Variants in GABRG3 observed in about 807,000 individuals in gnomAD.
GABRG3 encodes gamma-aminobutyric acid type A receptor subunit gamma3, also known as gamma-aminobutyric acid receptor subunit gamma-3.
GABRG3 carries 25 observed loss-of-function variants against 48.8 expected under a neutral mutation model. The ratio of observed to expected loss-of-function variants is 0.51; its 90% CI spans 0.37 to 0.72. The LOEUF (loss-of-function observed/expected upper bound fraction) is 0.72. Among genes scored for constraint, GABRG3 ranks in the 30% least tolerant of loss-of-function variants. The pLI is 0.00. For synonymous variants in GABRG3, 227 were observed against 217.6 expected (o/e 1.04, Z -0.38); for missense variants, 394 against 577.9 (o/e 0.68, Z 3.26).
chr15:27,123,592 T>C (rs996639282), intron 3 of GABRG3, among the ~76,000 whole-genome samples: 18 of 152,188 alleles, frequency 1.2e-4, no homozygotes. Flanking sequence ...GCAGCACAAA[T>C]GGACTGGCAT....
intron 3 of GABRG3, among the ~76,000 whole-genome samples, chr15:27,190,286 G>C (rs567090666): frequency 3.8e-4 from 58 of 152,300 alleles, no homozygotes; most frequent in African/African-American, 1.3e-3. Flanking sequence ...GATTGGAATA[G>C]TTTCAGAAGG....
intron 3 of GABRG3, among the ~76,000 whole-genome samples, chr15:27,153,287 A>G (rs2062225148): frequency 6.6e-6 from 1 of 152,174 alleles, no homozygotes; most frequent in Admixed American, 6.5e-5. Flanking sequence ...GCATCTTTAT[A>G]AAAAACCACT....
At chr15:27,230,742 T>A (rs1889769671) in intron 3 of GABRG3, among the ~76,000 whole-genome samples, 1 of 152,194 alleles carries the variant, frequency 6.6e-6, no homozygotes. Flanking sequence ...TCTATTGTGA[T>A]CTACTTATTT....
At chr15:27,315,526 T>C (rs903284825) in intron 3 of GABRG3, among the ~76,000 whole-genome samples, 24 of 152,336 alleles carry the variant, frequency 1.6e-4, no homozygotes, top group Admixed American at 1.4e-3. Flanking sequence ...GAAAACGTAT[T>C]ATATAGACAT....
intron 5 of GABRG3, among the ~76,000 whole-genome samples, chr15:27,393,072 G>A (rs182267055): frequency 7.0e-4 from 106 of 152,230 alleles, no homozygotes; most frequent in African/African-American, 2.2e-3. Context: ...TGGTCTGGGC[G>A]CAGTGGCTCA....
chr15:27,297,479 A>C (rs991259268), intron 3 of GABRG3, among the ~76,000 whole-genome samples: 1 of 152,186 alleles, frequency 6.6e-6, no homozygotes, highest in Non-Finnish European at 1.5e-5. Context: ...TATTTTTACC[A>C]TACATTTTTT....
At chr15:27,336,319 AAAG>A (rs1276456764) in intron 5 of GABRG3, among the ~76,000 whole-genome samples, 3 of 152,058 alleles carry the variant, frequency 2.0e-5, no homozygotes, top group East Asian at 3.9e-4. Context: ...AGAAGAAAAG[AAAG>A]AAGATGAAGA....
At chr15:27,249,215 C>G (rs1890374196) in intron 3 of GABRG3, among the ~76,000 whole-genome samples, 1 of 152,154 alleles carries the variant, frequency 6.6e-6, no homozygotes, top group Admixed American at 6.5e-5. Context: ...GTGCGTGGCG[C>G]TCCGGGGAGG....
At chr15:27,380,763 G>GTT (rs71132807) in intron 5 of GABRG3, among the ~76,000 whole-genome samples, 47 of 115,196 alleles carry the variant, frequency 4.1e-4, no homozygotes, top group African/African-American at 8.8e-4. Context: ...GTTCTGTGTG[G>GTT]TTTTTTTTTT....
At chr15:27,368,822 A>G (rs1297179647) in intron 5 of GABRG3, among the ~76,000 whole-genome samples, 1 of 152,124 alleles carries the variant, frequency 6.6e-6, no homozygotes, top group Non-Finnish European at 1.5e-5. Context: ...CACTGAGTAA[A>G]TGGAGTTTGC....
intron 3 of GABRG3, among the ~76,000 whole-genome samples, chr15:27,277,636 C>T (rs1457504723): frequency 6.6e-6 from 1 of 152,124 alleles, no homozygotes; most frequent in African/African-American, 2.4e-5. Flanking sequence ...TTGGTGACTG[C>T]AATGGATTCA....
At chr15:27,357,355 G>C (rs1394237290) in intron 5 of GABRG3, among the ~76,000 whole-genome samples, 1 of 152,174 alleles carries the variant, frequency 6.6e-6, no homozygotes, top group Non-Finnish European at 1.5e-5. Context: ...AAAGCTACTG[G>C]TCTGTGGACA....
intron 5 of GABRG3, among the ~76,000 whole-genome samples, chr15:27,369,806 C>CAAAAAAA (rs34901488): frequency 0.015 from 444 of 30,250 alleles, 43 homozygotes; most frequent in African/African-American, 0.039. Flanking sequence ...GACTCCGTCT[C>CAAAAAAA]AAAAAAAAAA....
intron 5 of GABRG3, among the ~76,000 whole-genome samples, chr15:27,330,719 A>G (rs1410428627): frequency 6.6e-6 from 1 of 152,256 alleles, no homozygotes; most frequent in Non-Finnish European, 1.5e-5. Context: ...CATAGTACTC[A>G]GGGAAATACA....
chr15:27,145,585 A>G (rs1213033774), intron 3 of GABRG3, among the ~76,000 whole-genome samples: 2 of 95,406 alleles, frequency 2.1e-5, no homozygotes, highest in South Asian at 3.2e-4. Context: ...TCTACTAGGC[A>G]TATATACATA....
intron 2 of GABRG3, among the ~76,000 whole-genome samples, chr15:27,020,660 GC>G (rs1233719053): frequency 2.0e-5 from 3 of 151,692 alleles, no homozygotes; most frequent in Non-Finnish European, 4.4e-5. Context: ...CTCGTGATCC[GC>G]CCCCCTCTGC....
At chr15:27,025,001 G>T (rs1240906072) in intron 2 of GABRG3, among the ~76,000 whole-genome samples, 1 of 141,678 alleles carries the variant, frequency 7.1e-6, no homozygotes, top group Non-Finnish European at 1.5e-5. Context: ...CTCCACCATG[G>T]GAGACAAAGC....
chr15:27,321,844 A>G (rs1021014711), intron 3 of GABRG3, among the ~76,000 whole-genome samples: 8 of 152,244 alleles, frequency 5.3e-5, no homozygotes, highest in African/African-American at 1.2e-4. Context: ...ACAGATGGAT[A>G]TTGTGAATAA....
chr15:27,081,495 C>T (rs998621630), intron 3 of GABRG3, among the ~76,000 whole-genome samples: 1 of 152,016 alleles, frequency 6.6e-6, no homozygotes. Context: ...AATAGAAATA[C>T]ATTCATTGAT....
Sources: gnomAD v4.1 joint callset for allele counts (sites outside exome capture counted in the v4.1 genomes callset) on GRCh38, gnomAD v4.1.1 for gene constraint, MANE v1.5 for transcripts, NCBI Gene and HGNC (gene_info 2026-07-23, HGNC 2026-07-21) for gene names.